GRM3: variants seen among roughly 807,000 people sequenced by gnomAD.
GRM3 encodes the protein metabotropic glutamate receptor 3.
A neutral mutation model predicts 70.5 loss-of-function variants in GRM3; 26 were observed. The ratio of observed to expected loss-of-function variants is 0.37; its 90% CI spans 0.27 to 0.51. The LOEUF (loss-of-function observed/expected upper bound fraction) is 0.51. Ranked by LOEUF, GRM3 falls within the 20% of genes least tolerant of loss-of-function variation. GRM3 has a pLI of 0.93. For missense variants in GRM3, 859 were observed against 1,123.8 expected (o/e 0.76, Z 3.37); for synonymous variants, 443 against 434.9 (o/e 1.02, Z -0.23).
rs35792615 is a variant in GRM3, at chr7:86,823,582, A to ATTT, written c.1325-15236_1325-15234dup. Reference sequence around the variant, plus strand: ...AATTCAGCGGTTAGCTGTGTGAGGTATTTTTTTTTTTTTTTTTTTTTTTGG... The same window carrying ATTT: ...AATTCAGCGGTTAGCTGTGTGAGGTATTTTTTTTTTTTTTTTTTTTTTTTTTGG... On this transcript the variant is annotated intron_variant, in intron 3 of 5. Coordinates refer to ENST00000361669, the MANE Select transcript of GRM3 (RefSeq NM_000840.3). Among the ~76,000 whole-genome samples, 82 of 43,108 alleles carry ATTT rather than the reference A, an allele frequency of 1.9e-3. 1 individual carries two copies. The highest frequency in any genetic ancestry group is 2.4e-3 in the African/African-American group (23 of 9,772). 28.3% of individuals were successfully genotyped at this position (43,108 alleles called of 152,430 possible).
At chr7:86,719,700 C>G (rs1466327194) in intron 1 of GRM3, among the ~76,000 whole-genome samples, 4 of 151,860 alleles carry the variant, frequency 2.6e-5, no homozygotes, top group Non-Finnish European at 5.9e-5. Context: ...AAATACTGAG[C>G]AACTAATTAT....
At chr7:86,646,918 G>A (rs530845989) in intron 1 of GRM3, among the ~76,000 whole-genome samples, 1 of 152,262 alleles carries the variant, frequency 6.6e-6, no homozygotes, top group African/African-American at 2.4e-5. Context: ...GTGAAAAGGA[G>A]TATAAATCCG....
intron 1 of GRM3, among the ~76,000 whole-genome samples, chr7:86,736,160 G>T (rs1054736681): frequency 9.2e-5 from 14 of 152,182 alleles, no homozygotes; most frequent in African/African-American, 2.9e-4. Flanking sequence ...GAGAGCTGGT[G>T]TAGGGGAGAA....
chr7:86,791,842 G>A (rs1002541291), intron 3 of GRM3, among the ~76,000 whole-genome samples: 1 of 152,070 alleles, frequency 6.6e-6, no homozygotes, highest in Non-Finnish European at 1.5e-5. Context: ...AACTTTGAAC[G>A]CTGAGCCTTG....
At chr7:86,784,615 T>A (rs759092012) in intron 2 of GRM3, 4 of 152,198 alleles carry the variant, frequency 2.6e-5, no homozygotes, top group Non-Finnish European at 5.9e-5. Flanking sequence ...TTCCTATGCC[T>A]AAATAAGTCA....
chr7:86,756,945 T>A (rs996383284), intron 1 of GRM3, among the ~76,000 whole-genome samples: 1 of 152,166 alleles, frequency 6.6e-6, no homozygotes, highest in African/African-American at 2.4e-5. Flanking sequence ...TTCAAGTTTA[T>A]TATTTTGCCT....
At chr7:86,828,368 AATAC>A (rs1050372459) in intron 3 of GRM3, among the ~76,000 whole-genome samples, 2 of 152,184 alleles carry the variant, frequency 1.3e-5, no homozygotes, top group African/African-American at 4.8e-5. Context: ...ATTATATACA[AATAC>A]ATACACACTA....
chr7:86,846,079 T>C (rs1244365019), intron 4 of GRM3, among the ~76,000 whole-genome samples: 2 of 152,200 alleles, frequency 1.3e-5, no homozygotes, highest in African/African-American at 2.4e-5. Context: ...TCCAGGGCTG[T>C]CGCTGATGGT....
At chr7:86,759,319 G>A (rs1796423552) in intron 1 of GRM3, among the ~76,000 whole-genome samples, 1 of 152,112 alleles carries the variant, frequency 6.6e-6, no homozygotes, top group Non-Finnish European at 1.5e-5. Context: ...GCATCACAAA[G>A]TCAGATCAAA....
intron 1 of GRM3, among the ~76,000 whole-genome samples, chr7:86,733,393 A>C (rs1264833692): frequency 6.6e-6 from 1 of 151,648 alleles, no homozygotes; most frequent in Non-Finnish European, 1.5e-5. Context: ...AGAAGGGCTG[A>C]GCTTAGACTC....
chr7:86,746,290 A>C (rs1397913060), intron 1 of GRM3, among the ~76,000 whole-genome samples: 1 of 146,476 alleles, frequency 6.8e-6, no homozygotes, highest in African/African-American at 2.5e-5. Flanking sequence ...ATATATCCAT[A>C]CCACTGAGAA....
intron 3 of GRM3, among the ~76,000 whole-genome samples, chr7:86,807,674 A>C (rs1402666435): frequency 2.6e-5 from 4 of 152,094 alleles, no homozygotes; most frequent in Non-Finnish European, 5.9e-5. Flanking sequence ...CTAAATATAC[A>C]ATCATGTCAT....
intron 1 of GRM3, among the ~76,000 whole-genome samples, chr7:86,736,055 G>C (rs1795850060): frequency 6.6e-6 from 1 of 152,184 alleles, no homozygotes; most frequent in South Asian, 2.1e-4. Flanking sequence ...CACTGTGTTT[G>C]AAGAAGTCAA....
intron 1 of GRM3, among the ~76,000 whole-genome samples, chr7:86,707,015 A>C (rs1795075172): frequency 1.3e-5 from 2 of 152,082 alleles, no homozygotes; most frequent in Non-Finnish European, 2.9e-5. Flanking sequence ...CTTTGAGGAA[A>C]TATACTTCCC....
Position 86,791,086 on chromosome 7 carries a change from A to G in GRM3, c.1324+3970A>G, listed in dbSNP as rs945177826. On this transcript the variant is annotated intron_variant, in intron 3 of 5. Transcript: ENST00000361669. ...TCCCAAGCATAAAAGGTGTTCAGTA[A>G]GTGTTGATTTTGAATAGCAGTTAAC... 2.6e-5 allele frequency among the ~76,000 whole-genome samples: 4 copies of G among 152,318 alleles called. 1 individual carries two copies. The highest frequency in any genetic ancestry group is 7.2e-5 in the African/African-American group (3 of 41,558).
intron 1 of GRM3, among the ~76,000 whole-genome samples, chr7:86,695,270 G>T (rs911339392): frequency 2.0e-5 from 3 of 152,138 alleles, no homozygotes; most frequent in African/African-American, 7.2e-5. Context: ...TTTTAGAAAG[G>T]TGTTCATTAT....
chr7:86,824,989 T>A (rs1798202546), intron 3 of GRM3, among the ~76,000 whole-genome samples: 1 of 152,164 alleles, frequency 6.6e-6, no homozygotes, highest in Admixed American at 6.5e-5. Flanking sequence ...AGGGACAAAA[T>A]AACCAGTTTA....
intron 1 of GRM3, among the ~76,000 whole-genome samples, chr7:86,692,900 T>C (rs541446612): frequency 4.5e-4 from 68 of 152,226 alleles, no homozygotes; most frequent in African/African-American, 1.5e-3. Context: ...GCTCAGGACA[T>C]GAAAAGACAT....
intron 4 of GRM3, among the ~76,000 whole-genome samples, chr7:86,841,526 TC>T (rs1342278560): frequency 2.0e-5 from 3 of 152,074 alleles, no homozygotes; most frequent in Non-Finnish European, 4.4e-5. Context: ...ATACATCTAG[TC>T]CCATATATCT....
Sources: allele counts gnomAD v4.1 joint callset (sites outside exome capture counted in the v4.1 genomes callset), GRCh38; gene constraint gnomAD v4.1.1; transcripts MANE v1.5; gene names NCBI Gene and HGNC (gene_info 2026-07-23, HGNC 2026-07-21).